The following WNT3A variants were observed in gnomAD, a reference collection of about 807,000 sequenced individuals.
WNT3A encodes the protein protein Wnt-3a.
WNT3A carries 17 observed loss-of-function variants against 37.0 expected under a neutral mutation model. That is an observed-to-expected ratio of 0.46 (90% CI 0.31 to 0.69). The LOEUF is 0.69. WNT3A is among the 30% of genes least tolerant of loss of function. The pLI is 0.05. For missense variants in WNT3A, 411 were observed against 510.2 expected (o/e 0.81, Z 1.87); for synonymous variants, 187 against 211.0 (o/e 0.89, Z 0.99).
At chr1:228,055,953 T>C (rs558903701) in intron 3 of WNT3A, among the ~76,000 whole-genome samples, 9 of 152,320 alleles carry the variant, frequency 5.9e-5, no homozygotes, top group Non-Finnish European at 5.9e-5. Flanking sequence ...AAATTTTCTC[T>C]CTACATATGG....
chr1:228,011,540 C>T (rs2030370990), intron 1 of WNT3A, among the ~76,000 whole-genome samples: 1 of 152,148 alleles, frequency 6.6e-6, no homozygotes, highest in South Asian at 2.1e-4. Context: ...TCTCTCTCTT[C>T]CCTGTATCTG....
chr1:228,046,798 T>G (rs1036780355), intron 2 of WNT3A, among the ~76,000 whole-genome samples: 1 of 151,078 alleles, frequency 6.6e-6, no homozygotes, highest in Non-Finnish European at 1.5e-5. Flanking sequence ...GTGTGATGTG[T>G]GCATGTGTGT....
At position 228,037,358 on chromosome 1, in the gene WNT3A, A is replaced by G. The variant is rs2031168520; in HGVS notation, c.314-13298A>G. On this transcript the variant is annotated intron_variant, in intron 2 of 3. Coordinates refer to ENST00000284523, the MANE Select transcript of WNT3A (RefSeq NM_033131.4). The surrounding 1 kb of genome is among the most constrained non-coding windows in gnomAD (Gnocchi z 4.1). ...CCCAAAGGGTGGGGAGAGTAATGAAAGGGTCCTGCGCACCACATGTCAGTA... is the reference window on the plus strand; with the variant it reads ...CCCAAAGGGTGGGGAGAGTAATGAAGGGGTCCTGCGCACCACATGTCAGTA... Among the ~76,000 whole-genome samples, 2 of 152,142 alleles carry G rather than the reference A, an allele frequency of 1.3e-5. No homozygotes were observed. Among genetic ancestry groups the G allele is most frequent in the Non-Finnish European group, 2.9e-5 (2 of 68,008 alleles).
At position 228,050,781 on chromosome 1, in the gene WNT3A, G is replaced by A; in HGVS notation, c.439G>A (p.Gly147Ser). 1.2e-6 allele frequency: 2 copies of A among 1,614,150 alleles called. No individual in the cohort carries two copies. Among genetic ancestry groups the A allele is most frequent in the South Asian group, 2.2e-5 (2 of 91,066 alleles). The change falls in exon 3 of 4, where the codon GGC becomes AGC. Residue 147 changes from glycine to serine, a missense_variant. Coordinates refer to ENST00000284523, the MANE Select transcript of WNT3A (RefSeq NM_033131.4). This position sits in a 1 kb window ranked among gnomAD's most constrained non-coding sequence, Gnocchi z 5.0. ...CAGCAGCCGCCACCAGGGCTCACCA[G>A]GCAAGGGCTGGAAGTGGGGTGGCTG... is the stretch of plus-strand genomic sequence containing the variant. Reference protein sequence around the residue: ...GCSSRHQGSPGKGWKWGGCSE... With the variant: ...GCSSRHQGSPSKGWKWGGCSE...
intron 2 of WNT3A, among the ~76,000 whole-genome samples, chr1:228,032,500 G>A (rs1296431156): frequency 6.6e-6 from 1 of 152,204 alleles, no homozygotes; most frequent in Non-Finnish European, 1.5e-5. Flanking sequence ...CCAAATCTAT[G>A]GTCTAGGAGC....
chr1:228,056,031 C>T (rs528013742), intron 3 of WNT3A, among the ~76,000 whole-genome samples: 32 of 152,294 alleles, frequency 2.1e-4, no homozygotes, highest in African/African-American at 7.2e-4. Context: ...ATCCTCCAGG[C>T]AAGAGGATGG....
intron 3 of WNT3A, among the ~76,000 whole-genome samples, chr1:228,052,612 C>T (rs771389752): frequency 6.6e-6 from 1 of 152,198 alleles, no homozygotes; most frequent in Non-Finnish European, 1.5e-5. Flanking sequence ...GATTTAACAA[C>T]ATGAAGATGG....
Position 228,060,398 on chromosome 1 carries a change from C to A in WNT3A, c.*933C>A. The stretch of plus-strand genomic sequence containing the variant: ...TGCTCCAGGCGCGCCGACGCCTGTG[C>A]CACCCCTTCCTCAGCCTGGGGTTTG... On this transcript the variant is annotated 3_prime_UTR_variant, in exon 4 of 4. Transcript: ENST00000284523. The A allele has an allele frequency of 1.0e-6, 1 of 961,272 alleles. No individual in the cohort carries two copies. Among genetic ancestry groups the A allele is most frequent in the Non-Finnish European group, 1.4e-6 (1 of 693,870 alleles). 59.5% of individuals were successfully genotyped at this position (961,272 alleles called of 1,614,324 possible).
chr1:228,025,535 G>A (rs1289059266), intron 2 of WNT3A, among the ~76,000 whole-genome samples: 1 of 152,144 alleles, frequency 6.6e-6, no homozygotes, highest in Non-Finnish European at 1.5e-5. Context: ...TTTTTGTAGA[G>A]ATGGGATTTT....
chr1:228,050,912 T>C lies in WNT3A; in HGVS notation c.570T>C (p.Ala190=), dbSNP rs2102779689. The C allele has an allele frequency of 3.9e-6, 6 of 1,539,898 alleles. No individual in the cohort carries two copies. Among genetic ancestry groups the C allele is most frequent in the Non-Finnish European group, 3.5e-6 (4 of 1,141,856 alleles). The change falls in exon 3 of 4, where the codon GCT becomes GCC. Residue 190 remains alanine, a synonymous_variant. Coordinates refer to ENST00000284523, the MANE Select transcript of WNT3A (RefSeq NM_033131.4). The surrounding 1 kb of genome is among the most constrained non-coding windows in gnomAD (Gnocchi z 5.0). ...RSAMNRHNNE[A]GRQAIASHMH... ...CCATGAACCGCCACAACAACGAGGC[T>C]GGGCGCCAGGTAGGTTCGCCGCCCG...
At chr1:228,010,264 C>G in intron 1 of WNT3A, among the ~76,000 whole-genome samples, 1 of 152,202 alleles carries the variant, frequency 6.6e-6, no homozygotes, top group East Asian at 1.9e-4. Flanking sequence ...CTTCCCATGT[C>G]TGGGTTAACG....
intron 2 of WNT3A, among the ~76,000 whole-genome samples, chr1:228,049,970 G>A (rs2031507405): frequency 6.6e-6 from 1 of 152,014 alleles, no homozygotes; most frequent in Non-Finnish European, 1.5e-5. Flanking sequence ...GTAGAGATGG[G>A]GTCTTGCTAC....
At chr1:228,034,830 A>T (rs1401193551) in intron 2 of WNT3A, among the ~76,000 whole-genome samples, 1 of 152,172 alleles carries the variant, frequency 6.6e-6, no homozygotes, top group African/African-American at 2.4e-5. Context: ...AGTCCCAGTC[A>T]TTATCAATGG....
intron 1 of WNT3A, among the ~76,000 whole-genome samples, chr1:228,017,540 C>T (rs1282996283): frequency 6.6e-6 from 1 of 152,044 alleles, no homozygotes; most frequent in Non-Finnish European, 1.5e-5. Context: ...TAGACAGACA[C>T]CATCTCTACA....
chr1:228,029,638 A>G (rs1242383921), intron 2 of WNT3A, among the ~76,000 whole-genome samples: 1 of 152,074 alleles, frequency 6.6e-6, no homozygotes, highest in Non-Finnish European at 1.5e-5. Flanking sequence ...TTTATAACGG[A>G]CAACCCCAGT....
rs1263792082 is a variant in WNT3A at position 228,038,693 on chromosome 1, G to C, written c.314-11963G>C. On this transcript the variant is annotated intron_variant, in intron 2 of 3. Coordinates refer to ENST00000284523, the MANE Select transcript of WNT3A (RefSeq NM_033131.4). The surrounding 1 kb of genome is among the most constrained non-coding windows in gnomAD (Gnocchi z 5.7). ...ACAACTCTATGGGTCCCAGGTATGT[G>C]GTGGGGGTGTGGTAATCATACAGGG... Among the ~76,000 whole-genome samples, 1 of 152,206 alleles carries C rather than the reference G, an allele frequency of 6.6e-6. No homozygotes were observed. Among genetic ancestry groups the C allele is most frequent in the Admixed American group, 6.5e-5 (1 of 15,282 alleles).
At chr1:228,020,477 G>A (rs1397550028) in intron 1 of WNT3A, among the ~76,000 whole-genome samples, 3 of 152,228 alleles carry the variant, frequency 2.0e-5, no homozygotes, top group Non-Finnish European at 2.9e-5. Flanking sequence ...CTTGGCCCTG[G>A]GCAGTGGCAG....
intron 2 of WNT3A, among the ~76,000 whole-genome samples, chr1:228,048,911 C>T (rs1325094708): frequency 3.3e-5 from 5 of 152,230 alleles, no homozygotes; most frequent in African/African-American, 9.6e-5. Flanking sequence ...TGATCCTAGC[C>T]TCCAGAGCTT....
intron 1 of WNT3A, among the ~76,000 whole-genome samples, chr1:228,014,682 G>A (rs967035970): frequency 1.3e-5 from 2 of 152,386 alleles, no homozygotes; most frequent in African/African-American, 4.8e-5. Flanking sequence ...AATTGCACAT[G>A]GGACCAAACC....
Sources: allele counts gnomAD v4.1 joint callset (sites outside exome capture counted in the v4.1 genomes callset), GRCh38; gene constraint gnomAD v4.1.1; non-coding constraint Gnocchi (gnomAD v3.1); transcripts MANE v1.5; gene names NCBI Gene and HGNC (gene_info 2026-07-23, HGNC 2026-07-21).